Variants in SYN3 observed in about 807,000 individuals in gnomAD.
SYN3 encodes the protein synapsin-3.
Under a neutral mutation model 65.8 loss-of-function variants are expected in SYN3, and 35 were observed. The ratio of observed to expected loss-of-function variants is 0.53; its 90% CI spans 0.41 to 0.70. The LOEUF is 0.70. SYN3 is among the 30% of genes least tolerant of loss of function. SYN3 has a pLI of 0.00. For missense variants in SYN3, 680 were observed against 749.0 expected (o/e 0.91, Z 1.08); for synonymous variants, 270 against 292.9 (o/e 0.92, Z 0.80).
chr22:32,953,137 T>C (rs536725831), intron 3 of SYN3, among the ~76,000 whole-genome samples: 65 of 152,332 alleles, frequency 4.3e-4, no homozygotes, highest in African/African-American at 1.5e-3. Flanking sequence ...ATAAGAAAAC[T>C]GGAGAGCAGA....
At chr22:32,722,680 G>T (rs1349083785) in intron 6 of SYN3, among the ~76,000 whole-genome samples, 1 of 152,178 alleles carries the variant, frequency 6.6e-6, no homozygotes, top group Non-Finnish European at 1.5e-5. Flanking sequence ...GGAAGTGTTG[G>T]CTCTCACAGG....
At chr22:32,981,210 T>C (rs1353004169) in intron 2 of SYN3, among the ~76,000 whole-genome samples, 5 of 151,866 alleles carry the variant, frequency 3.3e-5, no homozygotes, top group Admixed American at 3.3e-4. Context: ...TGGATAAGAT[T>C]GGAGGCTCAA....
chr22:32,654,995 T>C (rs2060122638), intron 6 of SYN3, among the ~76,000 whole-genome samples: 1 of 152,226 alleles, frequency 6.6e-6, no homozygotes, highest in African/African-American at 2.4e-5. Flanking sequence ...CATAGAATAA[T>C]GGAAGAAATT....
intron 6 of SYN3, among the ~76,000 whole-genome samples, chr22:32,734,173 G>A (rs2061306736): frequency 6.6e-6 from 1 of 152,194 alleles, no homozygotes; most frequent in African/African-American, 2.4e-5. Context: ...GCAGCTTGGA[G>A]GCCTCTTTGC....
intron 6 of SYN3, among the ~76,000 whole-genome samples, chr22:32,605,615 G>A (rs2059361705): frequency 6.6e-6 from 1 of 152,128 alleles, no homozygotes; most frequent in African/African-American, 2.4e-5. Context: ...GAAGTTTTTG[G>A]CCTAAGATCA....
chr22:32,747,806 T>A (rs543934844), intron 6 of SYN3, among the ~76,000 whole-genome samples: 1 of 152,318 alleles, frequency 6.6e-6, no homozygotes, highest in African/African-American at 2.4e-5. Flanking sequence ...TGGCCTTGTG[T>A]CTCCAGACTT....
intron 6 of SYN3, among the ~76,000 whole-genome samples, chr22:32,670,732 G>A (rs972780020): frequency 1.3e-4 from 20 of 152,258 alleles, no homozygotes; most frequent in African/African-American, 4.8e-4. Context: ...GTCATTGCCA[G>A]GAAGCATGCT....
At chr22:32,815,285 C>T (rs954889407) in intron 6 of SYN3, among the ~76,000 whole-genome samples, 1 of 152,184 alleles carries the variant, frequency 6.6e-6, no homozygotes, top group African/African-American at 2.4e-5. Context: ...GGTCCCAGTG[C>T]AGGGAACCCA....
intron 7 of SYN3, among the ~76,000 whole-genome samples, chr22:32,581,364 A>C (rs1368308552): frequency 1.3e-5 from 2 of 152,196 alleles, no homozygotes; most frequent in African/African-American, 2.4e-5. Context: ...CCGCCTTGGC[A>C]TCCCAAAGTG....
At chr22:32,652,889 G>A (rs1473732143) in intron 6 of SYN3, among the ~76,000 whole-genome samples, 3 of 152,202 alleles carry the variant, frequency 2.0e-5, no homozygotes, top group Non-Finnish European at 4.4e-5. Flanking sequence ...GAGCTTAGGT[G>A]TCGAGGAAAA....
intron 6 of SYN3, among the ~76,000 whole-genome samples, chr22:32,750,222 A>G (rs1200349264): frequency 6.6e-6 from 1 of 152,206 alleles, no homozygotes; most frequent in Non-Finnish European, 1.5e-5. Context: ...AGAGAACGCC[A>G]TGGGTTAGAA....
chr22:32,622,448 T>C (rs928428698), intron 6 of SYN3, among the ~76,000 whole-genome samples: 4 of 152,126 alleles, frequency 2.6e-5, no homozygotes, highest in Non-Finnish European at 4.4e-5. Flanking sequence ...CCTACCTTTA[T>C]TGATTTGGGA....
At chr22:32,542,210 G>A (rs1052341278) in intron 7 of SYN3, among the ~76,000 whole-genome samples, 6 of 152,132 alleles carry the variant, frequency 3.9e-5, no homozygotes, top group African/African-American at 7.2e-5. Flanking sequence ...TGTAGTTTGC[G>A]TTTTAGCAAA....
intron 4 of SYN3, among the ~76,000 whole-genome samples, chr22:32,918,556 ATC>A (rs924103941): frequency 6.6e-6 from 1 of 152,154 alleles, no homozygotes; most frequent in African/African-American, 2.4e-5. Flanking sequence ...TGTATTAGCG[ATC>A]TAGCTAGAAT....
chr22:32,911,802 T>C (rs994028346), intron 4 of SYN3, among the ~76,000 whole-genome samples: 1 of 152,066 alleles, frequency 6.6e-6, no homozygotes, highest in Non-Finnish European at 1.5e-5. Context: ...ACCATGGAAA[T>C]GGGCAGCCAC....
At chr22:32,963,777 T>C (rs1280784783) in intron 3 of SYN3, among the ~76,000 whole-genome samples, 5 of 152,106 alleles carry the variant, frequency 3.3e-5, no homozygotes, top group Admixed American at 6.5e-5. Context: ...CTTCATCCCA[T>C]AGACATTGAG....
intron 4 of SYN3, among the ~76,000 whole-genome samples, chr22:32,924,464 C>T (rs2050416246): frequency 1.3e-5 from 2 of 152,298 alleles, no homozygotes; most frequent in South Asian, 4.1e-4. Flanking sequence ...ACAGCCCTGG[C>T]TACTCAAAAT....
chr22:33,025,952 T>C (rs1233560579), intron 1 of SYN3, among the ~76,000 whole-genome samples: 1 of 152,150 alleles, frequency 6.6e-6, no homozygotes, highest in Non-Finnish European at 1.5e-5. Flanking sequence ...GTCCCATGTT[T>C]CTACTTGCCC....
At chr22:32,819,276 A>C (rs561889634) in intron 6 of SYN3, among the ~76,000 whole-genome samples, 2 of 152,366 alleles carry the variant, frequency 1.3e-5, no homozygotes, top group East Asian at 3.9e-4. Context: ...CCAGGACCAA[A>C]GGTCTGGAAA....
Sources: allele counts gnomAD v4.1 joint callset (sites outside exome capture counted in the v4.1 genomes callset), GRCh38; gene constraint gnomAD v4.1.1; transcripts MANE v1.5; gene names NCBI Gene and HGNC (gene_info 2026-07-23, HGNC 2026-07-21).